CNGB3: variants seen among roughly 807,000 people sequenced by gnomAD.
CNGB3 encodes the protein cyclic nucleotide-gated channel beta-3.
In CNGB3, 86 loss-of-function variants were observed where a neutral mutation model predicts 92.8. That is an observed-to-expected ratio of 0.93 (90% CI 0.78 to 1.11). The LOEUF (loss-of-function observed/expected upper bound fraction) is 1.11. CNGB3 is among the 50% of genes least tolerant of loss of function. The pLI is 0.00. For missense variants in CNGB3, 1,026 were observed against 956.8 expected, an observed-to-expected ratio of 1.07 and a Z score of -0.95; for synonymous variants, 333 against 332.7, an observed-to-expected ratio of 1.00 and a Z score of -0.01.
intron 13 of CNGB3, among the ~76,000 whole-genome samples, chr8:86,623,196 G>T (rs986634): frequency 0.41 from 62,050 of 151,986 alleles, 15,923 homozygotes; most frequent in African/African-American, 0.73. Flanking sequence ...GGTCCAAATG[G>T]ATTGCTCCAG....
chr8:86,724,257 G>A (rs1825020053), intron 3 of CNGB3, among the ~76,000 whole-genome samples: 1 of 152,144 alleles, frequency 6.6e-6, no homozygotes, highest in Non-Finnish European at 1.5e-5. Context: ...AGCCATGTTA[G>A]AAGAGAAGTA....
At chr8:86,600,698 C>T (rs1822278491) in intron 15 of CNGB3, among the ~76,000 whole-genome samples, 1 of 150,434 alleles carries the variant, frequency 6.6e-6, no homozygotes, top group Non-Finnish European at 1.5e-5. Context: ...CAAGCTCTGC[C>T]TCCTGGGTTC....
At chr8:86,733,942 ACTGTAACCACAAACTC>A (rs1405770025) in intron 2 of CNGB3, among the ~76,000 whole-genome samples, 1 of 152,090 alleles carries the variant, frequency 6.6e-6, no homozygotes, top group East Asian at 1.9e-4. Flanking sequence ...ACCATAGCTC[ACTGTAACCACAAACTC>A]CTGGGCTCAA....
intron 15 of CNGB3, among the ~76,000 whole-genome samples, chr8:86,600,755 GC>G (rs1323035302): frequency 1.4e-5 from 2 of 139,674 alleles, no homozygotes; most frequent in Non-Finnish European, 3.0e-5. Context: ...GACTACAGGT[GC>G]CCACCACCAC....
At chr8:86,594,646 G>C (rs1229469459) in intron 15 of CNGB3, 1 of 202,440 alleles carries the variant, frequency 4.9e-6, no homozygotes, top group African/African-American at 2.4e-5. Flanking sequence ...ACCTGCTGAG[G>C]GATGTCTGCA....
Position 86,714,294 on chromosome 8 carries a change from A to G in CNGB3, c.338+12237T>C, listed in dbSNP as rs1399564447. On this transcript the variant is annotated intron_variant, in intron 3 of 17. Coordinates refer to ENST00000320005, the MANE Select transcript of CNGB3 (RefSeq NM_019098.5). ...TGTGTACAGTGCGTACCCTTTTCAG[A>G]TTGGCTTCTTTTTCTTTTGAGATGG... 2.0e-5 allele frequency among the ~76,000 whole-genome samples: 3 copies of G among 151,838 alleles called. No homozygotes were observed. The East Asian group carries it at 5.8e-4, about 29-fold the overall frequency.
intron 3 of CNGB3, among the ~76,000 whole-genome samples, chr8:86,717,883 C>T (rs367865778): frequency 1.8e-4 from 28 of 152,072 alleles, no homozygotes; most frequent in African/African-American, 4.3e-4. Flanking sequence ...TGCAAACACA[C>T]GAAAATTAAA....
At chr8:86,731,894 C>T (rs1040786213) in intron 2 of CNGB3, among the ~76,000 whole-genome samples, 8 of 152,122 alleles carry the variant, frequency 5.3e-5, no homozygotes, top group African/African-American at 1.2e-4. Context: ...ATAGCACTGA[C>T]GTATGTGGGG....
chr8:86,669,722 C>G (rs1208324495), intron 4 of CNGB3, among the ~76,000 whole-genome samples: 2 of 152,192 alleles, frequency 1.3e-5, no homozygotes, highest in Non-Finnish European at 2.9e-5. Context: ...CAACTCCATC[C>G]CATGTAATTA....
chr8:86,641,303 A>C (rs1343800265), intron 10 of CNGB3, among the ~76,000 whole-genome samples: 1 of 152,026 alleles, frequency 6.6e-6, no homozygotes, highest in African/African-American at 2.4e-5. Flanking sequence ...GCATATAATC[A>C]AGAAATAATT....
chr8:86,580,924 A>T (rs1821750973), intron 15 of CNGB3, among the ~76,000 whole-genome samples: 1 of 152,216 alleles, frequency 6.6e-6, no homozygotes, highest in Admixed American at 6.5e-5. Flanking sequence ...AAACACTCTG[A>T]CCTTTGGAAG....
chr8:86,586,163 AC>A (rs1233051636), intron 15 of CNGB3, among the ~76,000 whole-genome samples: 2 of 152,164 alleles, frequency 1.3e-5, no homozygotes, highest in African/African-American at 4.8e-5. Flanking sequence ...AGCATACTCT[AC>A]AATGGGCTAG....
At chr8:86,649,833 G>T (rs1278033393) in intron 7 of CNGB3, among the ~76,000 whole-genome samples, 3 of 151,440 alleles carry the variant, frequency 2.0e-5, no homozygotes, top group Non-Finnish European at 3.0e-5. Context: ...CATATAAAAA[G>T]AAATAATCAT....
intron 15 of CNGB3, chr8:86,593,829 G>A: frequency 9.5e-7 from 1 of 1,050,192 alleles, no homozygotes; most frequent in Non-Finnish European, 1.4e-6. Flanking sequence ...GTCAGGTCAG[G>A]GAAGTTGGTC....
chr8:86,624,525 C>T (rs1057147482), intron 13 of CNGB3, among the ~76,000 whole-genome samples: 1 of 152,184 alleles, frequency 6.6e-6, no homozygotes, highest in Non-Finnish European at 1.5e-5. Context: ...TCTGACTACT[C>T]TTGCTTCCAC....
chr8:86,667,031 T>C lies in CNGB3; in HGVS notation c.746A>G (p.Asn249Ser), dbSNP rs113009675. The C allele has an allele frequency of 1.2e-6, 2 of 1,614,062 alleles. No homozygotes were observed. Among genetic ancestry groups the C allele is most frequent in the African/African-American group, 2.7e-5 (2 of 75,054 alleles). The change falls in exon 6 of 18, where the codon AAC becomes AGC. Residue 249 changes from asparagine to serine, a missense_variant. Asn to Ser is a conservative substitution (Grantham distance 46). Coordinates refer to ENST00000320005, the MANE Select transcript of CNGB3 (RefSeq NM_019098.5). Reference protein sequence around the residue: ...RLVFPYQTADNIHYWLIADII... With the variant: ...RLVFPYQTADSIHYWLIADII... Reference sequence around the variant, plus strand: ...GTCCGCAATAAGCCAGTAGTGTATGTTGTCTGCGGTTTGATATGGGAAGAC... The same window carrying C: ...GTCCGCAATAAGCCAGTAGTGTATGCTGTCTGCGGTTTGATATGGGAAGAC...
At chr8:86,629,894 G>GTAAA (rs1822927658) in intron 11 of CNGB3, among the ~76,000 whole-genome samples, 1 of 152,102 alleles carries the variant, frequency 6.6e-6, no homozygotes, top group Admixed American at 6.6e-5. Context: ...GCAAGTGGCT[G>GTAAA]TAAATATGCT....
At chr8:86,648,487 A>T (rs1823333851) in intron 7 of CNGB3, among the ~76,000 whole-genome samples, 1 of 151,284 alleles carries the variant, frequency 6.6e-6, no homozygotes, top group African/African-American at 2.4e-5. Flanking sequence ...GCAATTAATC[A>T]GCAGCTCTGA....
At position 86,632,902 on chromosome 8, in the gene CNGB3, A is replaced by G. The variant is rs2131585627; in HGVS notation, c.1179-9T>C. ...AATAACATCTCAGATACCTGTGAAAACAGAAGATATACATTTTGCTTTTTT... is the reference window on the plus strand; with the variant it reads ...AATAACATCTCAGATACCTGTGAAAGCAGAAGATATACATTTTGCTTTTTT... On this transcript the variant is annotated splice_polypyrimidine_tract_variant and intron_variant, in intron 10 of 17. Coordinates refer to ENST00000320005, the MANE Select transcript of CNGB3 (RefSeq NM_019098.5). 6.2e-7 allele frequency: 1 copy of G among 1,611,656 alleles called. No individual in the cohort carries two copies. The highest frequency in any genetic ancestry group is 1.1e-5 in the South Asian group (1 of 90,994).
Sources: gnomAD v4.1 joint callset for allele counts (sites outside exome capture counted in the v4.1 genomes callset) on GRCh38, gnomAD v4.1.1 for gene constraint, MANE v1.5 for transcripts, NCBI Gene and HGNC (gene_info 2026-07-23, HGNC 2026-07-21) for gene names.